Variants in STRN observed in about 807,000 individuals in gnomAD.
STRN encodes the protein striatin, also known as protein phosphatase 2 regulatory subunit B'''alpha.
A neutral mutation model predicts 96.3 loss-of-function variants in STRN; 53 were observed. That is an observed-to-expected ratio of 0.55 (90% confidence interval 0.44 to 0.69). STRN has a LOEUF of 0.69. STRN is among the 30% of genes least tolerant of loss of function. The pLI, the probability that STRN is intolerant of heterozygous loss-of-function variation, is 0.00. For missense variants in STRN, 987 were observed against 963.9 expected (o/e 1.02, Z -0.32); for synonymous variants, 428 against 355.9 (o/e 1.20, Z -2.28).
intron 2 of STRN, among the ~76,000 whole-genome samples, chr2:36,923,473 T>G (rs1572677742): frequency 1.4e-5 from 2 of 147,798 alleles, no homozygotes; most frequent in African/African-American, 5.0e-5. Context: ...AACAACTCAC[T>G]ACTCCCAAAT....
chr2:36,961,690 T>C (rs1324972934), intron 1 of STRN, among the ~76,000 whole-genome samples: 1 of 152,056 alleles, frequency 6.6e-6, no homozygotes, highest in Non-Finnish European at 1.5e-5. Flanking sequence ...TTACAAGGGG[T>C]CCCTTTTAAA....
chr2:36,922,842 C>A (rs1026341751), intron 2 of STRN, among the ~76,000 whole-genome samples: 4 of 152,228 alleles, frequency 2.6e-5, no homozygotes, highest in African/African-American at 7.2e-5. Context: ...CTACTTTCAT[C>A]TTCCAGATGA....
intron 3 of STRN, among the ~76,000 whole-genome samples, chr2:36,913,917 A>C (rs1042866633): frequency 2.6e-5 from 4 of 152,170 alleles, no homozygotes; most frequent in Non-Finnish European, 5.9e-5. Flanking sequence ...GGCAGAGTCA[A>C]ACTTACATCT....
intron 12 of STRN, among the ~76,000 whole-genome samples, chr2:36,861,906 C>T (rs1668496488): frequency 6.6e-6 from 1 of 152,142 alleles, no homozygotes; most frequent in Admixed American, 6.5e-5. Context: ...GGTAGTTTTT[C>T]CAATCCTCAC....
chr2:36,901,404 T>C (rs973184362), intron 5 of STRN, among the ~76,000 whole-genome samples: 2 of 152,052 alleles, frequency 1.3e-5, no homozygotes, highest in East Asian at 3.9e-4. Flanking sequence ...TACAAAAAAT[T>C]AGCTGGGTGC....
At chr2:36,965,547 A>C (rs1453851226) in intron 1 of STRN, among the ~76,000 whole-genome samples, 2 of 152,250 alleles carry the variant, frequency 1.3e-5, no homozygotes, top group African/African-American at 4.8e-5. Flanking sequence ...TTCTGAGAAC[A>C]GGAACCACCT....
chr2:36,963,114 G>A (rs967716047), intron 1 of STRN, among the ~76,000 whole-genome samples: 1 of 152,158 alleles, frequency 6.6e-6, no homozygotes, highest in Non-Finnish European at 1.5e-5. Flanking sequence ...CAAATAAGAT[G>A]AGCAAGAGTG....
At chr2:36,887,393 C>T (rs1034867146) in intron 7 of STRN, among the ~76,000 whole-genome samples, 5 of 151,756 alleles carry the variant, frequency 3.3e-5, no homozygotes, top group Non-Finnish European at 5.9e-5. Context: ...TCGCCTGAAC[C>T]CGGGAGGCGG....
intron 1 of STRN, among the ~76,000 whole-genome samples, chr2:36,945,483 T>A (rs1670956736): frequency 6.6e-6 from 1 of 152,130 alleles, no homozygotes; most frequent in African/African-American, 2.4e-5. Flanking sequence ...CTGGCTAACG[T>A]AGTGAAACTC....
Position 36,925,199 on chromosome 2 carries a change from C to T in STRN, c.244G>A (p.Ala82Thr), listed in dbSNP as rs200160777. ...VERAELQAQIAFLQGERKGQE... is the reference protein window; with the variant it reads ...VERAELQAQITFLQGERKGQE... The stretch of plus-strand genomic sequence containing the variant: ...CCCTTCCTTTCTCCCTGCAGGAAGG[C>T]AATCTGGGCCTGAGTAGGGGAAAGA... Residue 82 changes from alanine (A) to threonine (T), a missense_variant, in exon 2 of 18, where the codon GCC (alanine) becomes ACC (threonine). Physicochemically the swap from Ala to Thr is moderately conservative, Grantham distance 58. Coordinates refer to ENST00000263918, the MANE Select transcript of STRN (RefSeq NM_003162.4). The T allele has an allele frequency of 1.2e-6, 2 of 1,613,402 alleles. No individual in the cohort carries two copies. The highest frequency in any genetic ancestry group is 1.3e-5 in the African/African-American group (1 of 74,958).
chr2:36,913,118 G>C lies in STRN; in HGVS notation c.412+2960C>G, dbSNP rs183559408. On this transcript the variant is annotated intron_variant, in intron 3 of 17. Transcript: ENST00000263918. ...GGTTTCTGCAACAATCCTCTAACCA[G>C]TTGCCCCATCTCCAACGTTGCTCCT... Among the ~76,000 whole-genome samples the C allele has an allele frequency of 8.5e-4, 129 of 152,186 alleles. No homozygotes were observed. The Middle Eastern group carries it at 0.017, about 20-fold the overall frequency.
rs2148112387 is a variant in STRN, at chr2:36,842,927, G to A, written c.*6529C>T. Reference sequence around the variant, plus strand: ...TATGCTTGACTCCCAAGGTGTTCTGGGAATATTTTATGTGCCAGGACAATG... The same window carrying A: ...TATGCTTGACTCCCAAGGTGTTCTGAGAATATTTTATGTGCCAGGACAATG... On this transcript the variant is annotated 3_prime_UTR_variant, in exon 18 of 18. Coordinates refer to ENST00000263918, the MANE Select transcript of STRN (RefSeq NM_003162.4). Among the ~76,000 whole-genome samples the A allele has an allele frequency of 6.6e-6, 1 of 152,160 alleles. No homozygotes were observed. The highest frequency in any genetic ancestry group is 2.1e-4 in the South Asian group (1 of 4,818).
At position 36,902,880 on chromosome 2, in the gene STRN, A is replaced by T; in HGVS notation, c.492-129T>A. 3 of 636,320 alleles carry T rather than the reference A, an allele frequency of 4.7e-6. No individual in the cohort carries two copies. In the South Asian group the frequency reaches 1.4e-4, roughly 29 times the overall value. The allele number at this position is 636,320 out of a possible 1,614,324, so 39.4% of individuals were successfully genotyped here. A position where few individuals can be genotyped will look rare whatever the true frequency, so the allele number is the denominator to read the frequency against. On this transcript the variant is annotated intron_variant, in intron 4 of 17. Coordinates refer to ENST00000263918, the MANE Select transcript of STRN (RefSeq NM_003162.4). ...TTAACAGTACAGTACTATGCTAGTA[A>T]GACTTGTTAATAAATAATCTTCCAG... is the stretch of plus-strand genomic sequence containing the variant.
chr2:36,942,148 C>A (rs1389140886), intron 1 of STRN, among the ~76,000 whole-genome samples: 1 of 152,132 alleles, frequency 6.6e-6, no homozygotes, highest in East Asian at 1.9e-4. Context: ...ATAAAGGAGA[C>A]TTACTCCAAA....
At chr2:36,873,267 C>T (rs1032154383) in intron 10 of STRN, among the ~76,000 whole-genome samples, 2 of 152,148 alleles carry the variant, frequency 1.3e-5, no homozygotes, top group Admixed American at 1.3e-4. Flanking sequence ...TTTCTACAGA[C>T]AACTTTTCAA....
chr2:36,899,426 A>G, intron 6 of STRN, 97 bp downstream of exon 6: 1 of 1,152,004 alleles, frequency 8.7e-7, no homozygotes, highest in South Asian at 3.2e-5. Context: ...AGAAAAAGCT[A>G]CGGGTTAAGA....
intron 6 of STRN, among the ~76,000 whole-genome samples, chr2:36,894,253 A>T (rs750943733): frequency 1.6e-4 from 24 of 152,260 alleles, no homozygotes; most frequent in Non-Finnish European, 3.1e-4. Context: ...TGTTTTAAGT[A>T]AACTAACGGA....
At chr2:36,868,448 C>T (rs557282447) in intron 11 of STRN, among the ~76,000 whole-genome samples, 6 of 152,178 alleles carry the variant, frequency 3.9e-5, no homozygotes, top group African/African-American at 1.4e-4. Context: ...ATTCATTACT[C>T]AGAACACCAT....
intron 14 of STRN, among the ~76,000 whole-genome samples, chr2:36,855,588 A>G (rs573944009): frequency 6.6e-6 from 1 of 152,310 alleles, no homozygotes; most frequent in South Asian, 2.1e-4. Context: ...CTCAACTGAT[A>G]TATTCATGGA....
Sources: allele counts gnomAD v4.1 joint callset (sites outside exome capture counted in the v4.1 genomes callset), GRCh38; gene constraint gnomAD v4.1.1; transcripts MANE v1.5; gene names NCBI Gene and HGNC (gene_info 2026-07-23, HGNC 2026-07-21).